The following ANKRD11 variants were observed in gnomAD, a reference collection of about 807,000 sequenced individuals.
ANKRD11 encodes ankyrin repeat domain-containing protein 11.
ANKRD11 carries 17 observed loss-of-function variants against 195.7 expected under a neutral mutation model. The ratio of observed to expected loss-of-function variants is 0.09; its 90% confidence interval spans 0.06 to 0.13. ANKRD11 has a LOEUF of 0.13. Ranked by LOEUF, ANKRD11 falls within the 10% of genes least tolerant of loss-of-function variation. The probability of loss-of-function intolerance (pLI) is 1.00; values close to 1 mark genes in which losing one functional copy is unlikely to be tolerated. For synonymous variants in ANKRD11, 1,953 were observed against 1,528.1 expected (o/e 1.28, Z -6.49); for missense variants, 3,735 against 3,566.1 (o/e 1.05, Z -1.21).
At chr16:89,463,067 G>A (rs1473772675) in intron 1 of ANKRD11, among the ~76,000 whole-genome samples, 2 of 138,280 alleles carry the variant, frequency 1.4e-5, no homozygotes, top group East Asian at 4.6e-4. Context: ...CAGCCCCCCC[G>A]CCCGGCCAGC....
intron 1 of ANKRD11, chr16:89,459,587 T>G (rs2056580068): frequency 6.6e-6 from 1 of 152,236 alleles, no homozygotes; most frequent in African/African-American, 2.4e-5. Flanking sequence ...ATAATATGTT[T>G]GGTAAACAAC....
In ANKRD11 at chr16:89,280,310, C is replaced by G. The variant is rs1038750030; in HGVS notation, c.6232G>C (p.Asp2078His). 7 of 1,591,946 alleles carry G rather than the reference C, an allele frequency of 4.4e-6. No homozygotes were observed. The South Asian group carries it at 7.8e-5, about 18-fold the overall frequency. Residue 2078 changes from aspartate (D) to histidine (H), a missense_variant, in exon 9 of 13, where the codon GAC (aspartate) becomes CAC (histidine). Transcript: ENST00000301030. ...ACACAGGCGGGCTCGGGGGCCACGT[C>G]CAGCGGGGCTTCCGGAAGTGACTTG... ...NCKSLPEAPL[D>H]VAPEPACVAA... is the part of the protein sequence containing the mutation.
At chr16:89,395,517 C>T (rs2041388259) in intron 2 of ANKRD11, among the ~76,000 whole-genome samples, 1 of 152,226 alleles carries the variant, frequency 6.6e-6, no homozygotes. Context: ...CCCACCCGAA[C>T]GGGGAACCGA....
Position 89,280,400 on chromosome 16 carries a change from T to G in ANKRD11, c.6142A>C (p.Ile2048Leu). ...TAGGGAGCCGCCTCTGAGGTGGAGATGGCGGCGGGGACGGCGTCCACTCCG... is the reference window on the plus strand; with the variant it reads ...TAGGGAGCCGCCTCTGAGGTGGAGAGGGCGGCGGGGACGGCGTCCACTCCG... Reference protein sequence around the residue: ...KDGVDAVPAAISTSEAAPYAP... With the variant: ...KDGVDAVPAALSTSEAAPYAP... Residue 2048 changes from isoleucine to leucine, a missense_variant, in exon 9 of 13, where the codon ATC becomes CTC. Ile to Leu is a conservative substitution (Grantham distance 5). Coordinates refer to ENST00000301030, the MANE Select transcript of ANKRD11 (RefSeq NM_013275.6). 2.6e-6 allele frequency: 4 copies of G among 1,561,208 alleles called. No homozygotes were observed. The highest frequency in any genetic ancestry group is 3.5e-6 in the Non-Finnish European group (4 of 1,154,116).
At chr16:89,404,764 G>C (rs2041840050) in intron 2 of ANKRD11, among the ~76,000 whole-genome samples, 1 of 152,262 alleles carries the variant, frequency 6.6e-6, no homozygotes, top group African/African-American at 2.4e-5. Context: ...CATGTGCTCA[G>C]CCACGCCTAC....
At chr16:89,477,800 C>A (rs968941332) in intron 1 of ANKRD11, among the ~76,000 whole-genome samples, 4 of 151,974 alleles carry the variant, frequency 2.6e-5, no homozygotes, top group African/African-American at 9.6e-5. Flanking sequence ...GGTGAAACCC[C>A]AACTCTACTA....
chr16:89,324,199 C>A, intron 2 of ANKRD11: 9 of 1,179,920 alleles, frequency 7.6e-6, no homozygotes, highest in Non-Finnish European at 9.6e-6. Context: ...GCACCGAGAG[C>A]GCGTTCAGCA....
Position 89,288,630 on chromosome 16 carries a change from G to A in ANKRD11, c.642C>T (p.Tyr214=), listed in dbSNP as rs771317555. The stretch of plus-strand genomic sequence containing the variant: ...CAGCCAGCAGCTGCTTCGCGACGTC[G>A]TAGTAGCCCCGGTTACAGGCCTCGT... ...ALHEACNRGY[Y]DVAKQLLAAG... Residue 214 remains tyrosine (Y), a synonymous_variant, in exon 7 of 13, where the codon TAC becomes TAT. Transcript: ENST00000301030. 3.1e-5 allele frequency: 50 copies of A among 1,613,960 alleles called. No homozygotes were observed. Among genetic ancestry groups the A allele is most frequent in the South Asian group, 2.1e-4 (19 of 91,094 alleles).
At chr16:89,366,539 T>C (rs1423944953) in intron 2 of ANKRD11, among the ~76,000 whole-genome samples, 1 of 152,202 alleles carries the variant, frequency 6.6e-6, no homozygotes, top group Non-Finnish European at 1.5e-5. Flanking sequence ...TGTGAGATGG[T>C]GTCTCGCTGT....
chr16:89,421,699 C>T (rs1169035805), intron 1 of ANKRD11, among the ~76,000 whole-genome samples: 3 of 125,214 alleles, frequency 2.4e-5, no homozygotes, highest in East Asian at 4.6e-4. Flanking sequence ...GACCATCACC[C>T]GTCCACGTCT....
chr16:89,340,731 G>C (rs565965886), intron 2 of ANKRD11, among the ~76,000 whole-genome samples: 1 of 152,322 alleles, frequency 6.6e-6, no homozygotes, highest in South Asian at 2.1e-4. Flanking sequence ...GTGCTAACAG[G>C]AGGCTGTTCA....
At chr16:89,363,120 G>A (rs769151652) in intron 2 of ANKRD11, among the ~76,000 whole-genome samples, 1 of 151,970 alleles carries the variant, frequency 6.6e-6, no homozygotes, top group Admixed American at 6.6e-5. Flanking sequence ...ATTTCTTTAC[G>A]GCACCAGGGC....
chr16:89,288,942 A>G, intron 6 of ANKRD11: 1 of 560,866 alleles, frequency 1.8e-6, no homozygotes, highest in Non-Finnish European at 3.2e-6. Flanking sequence ...TCACCCTAAA[A>G]GGGTAGGAAA....
intron 2 of ANKRD11, among the ~76,000 whole-genome samples, chr16:89,393,334 G>T (rs776471035): frequency 7.0e-6 from 1 of 142,636 alleles, no homozygotes; most frequent in Non-Finnish European, 1.5e-5. Context: ...TTTTTGAGAC[G>T]GAGGCTTGCT....
intron 2 of ANKRD11, among the ~76,000 whole-genome samples, chr16:89,335,679 C>T (rs1449669264): frequency 6.6e-6 from 1 of 152,180 alleles, no homozygotes; most frequent in East Asian, 1.9e-4. Context: ...TCAGCTGAGC[C>T]CTCAGGACAC....
intron 3 of ANKRD11, among the ~76,000 whole-genome samples, chr16:89,312,793 C>A (rs2036682546): frequency 6.6e-6 from 1 of 152,198 alleles, no homozygotes; most frequent in Non-Finnish European, 1.5e-5. Flanking sequence ...GCTCGTGAAA[C>A]CACAGCCTGA....
At chr16:89,486,434 C>G (rs998518390) in intron 1 of ANKRD11, among the ~76,000 whole-genome samples, 2 of 148,984 alleles carry the variant, frequency 1.3e-5, no homozygotes, top group Non-Finnish European at 3.0e-5. Flanking sequence ...AGCAACACAC[C>G]GAGACCCTGC....
chr16:89,405,075 G>A (rs1255010283), intron 2 of ANKRD11, among the ~76,000 whole-genome samples: 7 of 151,792 alleles, frequency 4.6e-5, no homozygotes, highest in African/African-American at 1.7e-4. Flanking sequence ...CCCGTCACAC[G>A]CTCTCACAGG....
intron 1 of ANKRD11, among the ~76,000 whole-genome samples, chr16:89,465,556 G>T (rs1055820180): frequency 1.3e-5 from 2 of 152,120 alleles, no homozygotes; most frequent in Admixed American, 1.3e-4. Flanking sequence ...TCAGCAGGTG[G>T]GAACACTTGC....
Sources: allele counts gnomAD v4.1 joint callset (sites outside exome capture counted in the v4.1 genomes callset), GRCh38; gene constraint gnomAD v4.1.1; transcripts MANE v1.5; gene names NCBI Gene and HGNC (gene_info 2026-07-23, HGNC 2026-07-21).